Variants in KANK1 observed in about 807,000 individuals in gnomAD.
The protein encoded by KANK1 is KN motif and ankyrin repeat domains 1.
KANK1 carries 109 observed loss-of-function variants against 106.2 expected under a neutral mutation model. The ratio of observed to expected loss-of-function variants is 1.03; its 90% confidence interval spans 0.88 to 1.20. The LOEUF is 1.20. Ranked by LOEUF, KANK1 falls within the 50% of genes most tolerant of loss-of-function variation. KANK1 has a pLI of 0.00. For synonymous variants in KANK1, 873 were observed against 652.2 expected (o/e 1.34, Z -5.16); for missense variants, 2,399 against 1,710.7 (o/e 1.40, Z -7.10).
rs557101044 is a variant in KANK1 at position 729,205 on chromosome 9, A to G, written c.2699-846A>G. Among the ~76,000 whole-genome samples, 4 of 152,380 alleles carry G rather than the reference A, an allele frequency of 2.6e-5. No individual in the cohort carries two copies. The East Asian group carries it at 7.7e-4, about 29-fold the overall frequency. The stretch of plus-strand genomic sequence containing the variant: ...CAAAAGCACTCTAGTAGATTTGTTA[A>G]GAGAAAGTTGATCAGAACTGTTTGA... On this transcript the variant is annotated intron_variant, in intron 3 of 11. Coordinates refer to ENST00000382297, the MANE Select transcript of KANK1 (RefSeq NM_015158.5).
chr9:487,107 AT>A (rs1564116882), intron 3 of KANK1, among the ~76,000 whole-genome samples: 1 of 152,206 alleles, frequency 6.6e-6, no homozygotes, highest in Non-Finnish European at 1.5e-5. Flanking sequence ...CAGTGGATAT[AT>A]ACAAGATGGT....
At chr9:661,847 G>T (rs1252616233) in intron 1 of KANK1, among the ~76,000 whole-genome samples, 2 of 148,952 alleles carry the variant, frequency 1.3e-5, no homozygotes, top group Non-Finnish European at 3.0e-5. Flanking sequence ...TCTCATTGTG[G>T]TTTTGATTTG....
chr9:712,804 G>T lies in KANK1; in HGVS notation c.2038G>T (p.Val680Leu), dbSNP rs1826544288. The T allele has an allele frequency of 6.2e-7, 1 of 1,613,638 alleles. No homozygotes were observed. The highest frequency in any genetic ancestry group is 1.1e-5 in the South Asian group (1 of 90,986). Residue 680 changes from valine (V) to leucine (L), a missense_variant, in exon 3 of 12, where the codon GTG becomes TTG. Transcript: ENST00000382297. The part of the protein sequence containing the change: ...DQDTSTDLEQ[V>L]HQFTNTETAT... ...GGACACTAGCACAGATTTGGAACAGGTGCACCAGTTCACCAACACCGAGAC... is the reference window on the plus strand; with the variant it reads ...GGACACTAGCACAGATTTGGAACAGTTGCACCAGTTCACCAACACCGAGAC...
chr9:509,051 G>T (rs1032490365), intron 1 of KANK1, among the ~76,000 whole-genome samples: 1 of 152,112 alleles, frequency 6.6e-6, no homozygotes, highest in Admixed American at 6.5e-5. Context: ...TTTTAAATTG[G>T]AAGAGCAGTA....
At chr9:478,206 A>G (rs527689449) in intron 3 of KANK1, 2 of 157,922 alleles carry the variant, frequency 1.3e-5, no homozygotes, top group Admixed American at 1.3e-4. Context: ...TGCAGCACCA[A>G]TCCTTAGTCA....
intron 11 of KANK1, 52 bp from the exon 12 acceptor site, chr9:745,121 C>A: frequency 1.2e-6 from 2 of 1,603,394 alleles, no homozygotes; most frequent in South Asian, 2.3e-5. Flanking sequence ...GGGTACACAT[C>A]TGCCTGAGGT....
At chr9:641,540 C>T (rs1002878014) in intron 1 of KANK1, among the ~76,000 whole-genome samples, 1 of 152,126 alleles carries the variant, frequency 6.6e-6, no homozygotes, top group Non-Finnish European at 1.5e-5. Context: ...GAGTTCTAAG[C>T]GTTGGGATTC....
At chr9:613,864 T>C (rs932115506) in intron 1 of KANK1, among the ~76,000 whole-genome samples, 1 of 152,214 alleles carries the variant, frequency 6.6e-6, no homozygotes, top group Non-Finnish European at 1.5e-5. Flanking sequence ...TGAGTGTGAC[T>C]GTCCTAAGTA....
rs1826354867 is a variant in KANK1 at position 712,284 on chromosome 9, G to A, written c.1518G>A (p.Met506Ile). 6.2e-7 allele frequency: 1 copy of A among 1,614,088 alleles called. No homozygotes were observed. Among genetic ancestry groups the A allele is most frequent in the Non-Finnish European group, 8.5e-7 (1 of 1,180,050 alleles). ...GSRKKVDKAT[M>I]AQPLVFSKVV... ...GGAAAAAGGTTGACAAAGCCACGAT[G>A]GCCCAGCCGCTTGTTTTCAGTAAGG... is the stretch of plus-strand genomic sequence containing the variant. The change falls in exon 3 of 12, where the codon ATG becomes ATA. Residue 506 changes from methionine (M) to isoleucine (I), a missense_variant. Physicochemically the swap from Met to Ile is conservative, Grantham distance 10. Coordinates refer to ENST00000382297, the MANE Select transcript of KANK1 (RefSeq NM_015158.5).
chr9:532,389 T>TTTTTA (rs2060103299), intron 1 of KANK1, among the ~76,000 whole-genome samples: 1 of 132,142 alleles, frequency 7.6e-6, no homozygotes, highest in African/African-American at 3.2e-5. Context: ...TTTTTTTTTT[T>TTTTTA]ACCATTTCAA....
intron 2 of KANK1, chr9:707,153 T>TGAGGA (rs1824498695): frequency 2.0e-6 from 2 of 984,918 alleles, no homozygotes; most frequent in South Asian, 9.4e-5. Context: ...CCTCACGGGG[T>TGAGGA]GAGGATCGAG....
intron 3 of KANK1, among the ~76,000 whole-genome samples, chr9:721,964 T>C (rs1018722292): frequency 3.9e-5 from 6 of 152,172 alleles, no homozygotes; most frequent in African/African-American, 1.4e-4. Context: ...TCTCCATAGC[T>C]CACACCTCAG....
chr9:651,161 A>G (rs1374240879), intron 1 of KANK1, among the ~76,000 whole-genome samples: 1 of 152,212 alleles, frequency 6.6e-6, no homozygotes, highest in Non-Finnish European at 1.5e-5. Flanking sequence ...TAAGAATTTT[A>G]TGGTCATACA....
At chr9:655,181 C>G (rs1284761555) in intron 1 of KANK1, among the ~76,000 whole-genome samples, 1 of 152,036 alleles carries the variant, frequency 6.6e-6, no homozygotes, top group Non-Finnish European at 1.5e-5. Context: ...ACCAGCCTGG[C>G]TAACGTGGTG....
intron 3 of KANK1, among the ~76,000 whole-genome samples, chr9:498,685 A>G (rs1159905811): frequency 6.6e-6 from 1 of 152,236 alleles, no homozygotes; most frequent in Non-Finnish European, 1.5e-5. Context: ...AATTCTCAAC[A>G]TAATTAGTCT....
intron 2 of KANK1, among the ~76,000 whole-genome samples, chr9:702,052 G>A (rs1293640724): frequency 6.6e-6 from 1 of 152,168 alleles, no homozygotes; most frequent in African/African-American, 2.4e-5. Context: ...CCATCAGTTT[G>A]TTGATTTCAC....
rs770539575 is a variant in KANK1, at chr9:711,220, C to A, written c.454C>A (p.Leu152Ile). The A allele has an allele frequency of 9.3e-6, 15 of 1,614,064 alleles. No homozygotes were observed. In the African/African-American group the frequency reaches 1.9e-4, roughly 20 times the overall value. The change falls in exon 3 of 12, where the codon CTT (leucine) becomes ATT (isoleucine). Residue 152 changes from leucine (L) to isoleucine (I), a missense_variant. Leu to Ile is a conservative substitution (Grantham distance 5, BLOSUM62 2). Transcript: ENST00000382297. Reference sequence around the variant, plus strand: ...CTCACCACAACTCCCAAAGCATAACCTTCATGTCACCAAGACACTGATGGA... The same window carrying A: ...CTCACCACAACTCCCAAAGCATAACATTCATGTCACCAAGACACTGATGGA... ...PPSPQLPKHN[L>I]HVTKTLMETR...
intron 1 of KANK1, among the ~76,000 whole-genome samples, chr9:587,894 C>A (rs143400344): frequency 6.6e-6 from 1 of 152,008 alleles, no homozygotes; most frequent in Non-Finnish European, 1.5e-5. Context: ...GGCGAAACCC[C>A]GTCTCTAATA....
intron 1 of KANK1, among the ~76,000 whole-genome samples, chr9:610,251 A>C (rs1830256920): frequency 6.6e-6 from 1 of 152,210 alleles, no homozygotes; most frequent in Non-Finnish European, 1.5e-5. Context: ...TTACAAAAGT[A>C]ACACAATTAT....
Sources: gnomAD v4.1 joint callset for allele counts (sites outside exome capture counted in the v4.1 genomes callset) on GRCh38, gnomAD v4.1.1 for gene constraint, MANE v1.5 for transcripts, NCBI Gene and HGNC (gene_info 2026-07-23, HGNC 2026-07-21) for gene names.